The following SMYD3 variants were observed in gnomAD, a reference collection of about 807,000 sequenced individuals.
SMYD3 encodes SET and MYND domain containing 3.
Under a neutral mutation model 57.7 loss-of-function variants are expected in SMYD3, and 36 were observed. That is an observed-to-expected ratio of 0.62 (90% CI 0.48 to 0.82). The LOEUF is 0.82. SMYD3 is among the 40% of genes least tolerant of loss of function. The probability of loss-of-function intolerance (pLI) is 0.00; values close to 1 mark genes in which losing one functional copy is unlikely to be tolerated. For missense variants in SMYD3, 515 were observed against 538.8 expected (o/e 0.96, Z 0.44); for synonymous variants, 211 against 195.0 (o/e 1.08, Z -0.68).
In SMYD3 at chr1:246,327,247, G is replaced by A. The variant is rs1253892559; in HGVS notation, c.485C>T (p.Ala162Val). Residue 162 changes from alanine (A) to valine (V), a missense_variant, in exon 5 of 12, where the codon GCC becomes GTC. Physicochemically the swap from Ala to Val is moderately conservative, Grantham distance 64. Transcript: ENST00000490107. ...QHFMREEIQD[A>V]SQLPPAFDLF... is the part of the protein sequence containing the mutation. ...GTCAAAGGCAGGTGGCAGCTGAGAG[G>A]CATCCTGTATTTCTTCTCTCATGAA... The A allele has an allele frequency of 6.2e-7, 1 of 1,614,084 alleles. No individual in the cohort carries two copies. The highest frequency in any genetic ancestry group is 1.1e-5 in the South Asian group (1 of 91,080).
chr1:246,202,971 A>G lies in SMYD3; in HGVS notation c.531+124230T>C, dbSNP rs2062943063. On this transcript the variant is annotated intron_variant, in intron 5 of 11. Coordinates refer to ENST00000490107, the MANE Select transcript of SMYD3 (RefSeq NM_001167740.2). The surrounding 1 kb of genome is among the most constrained non-coding windows in gnomAD (Gnocchi z 4.1). ...GAAAACCCGTCTCTACTAAAAATAC[A>G]AAATTTAGCTGGTCGTGGTGGTGGG... is the stretch of plus-strand genomic sequence containing the variant. Among the ~76,000 whole-genome samples the G allele has an allele frequency of 6.6e-6, 1 of 152,116 alleles. No homozygotes were observed. Among genetic ancestry groups the G allele is most frequent in the Non-Finnish European group, 1.5e-5 (1 of 68,028 alleles).
At chr1:246,134,811 G>A (rs922022934) in intron 5 of SMYD3, among the ~76,000 whole-genome samples, 35 of 149,352 alleles carry the variant, frequency 2.3e-4, no homozygotes, top group Admixed American at 1.0e-3. Flanking sequence ...CCCCCCTGCC[G>A]CTTTTAATGA....
chr1:246,246,581 T>C (rs1399404364), intron 5 of SMYD3, among the ~76,000 whole-genome samples: 2 of 152,092 alleles, frequency 1.3e-5, no homozygotes, highest in Admixed American at 6.5e-5. Context: ...TCAAGGAAGC[T>C]TGAAGCTTCA....
At chr1:246,506,992 C>A (rs1236003500) in intron 1 of SMYD3, 62 bp downstream of exon 1, 6 of 859,482 alleles carry the variant, frequency 7.0e-6, no homozygotes, top group South Asian at 2.0e-5. Flanking sequence ...GCCCGACGCC[C>A]CCCCCTCCCC....
At chr1:246,186,087 C>T (rs997440211) in intron 5 of SMYD3, among the ~76,000 whole-genome samples, 1 of 151,888 alleles carries the variant, frequency 6.6e-6, no homozygotes, top group Non-Finnish European at 1.5e-5. Context: ...ATAAATAGTT[C>T]CCTTAATTCC....
intron 1 of SMYD3, among the ~76,000 whole-genome samples, chr1:246,504,914 G>C (rs1049589594): frequency 4.6e-5 from 7 of 152,200 alleles, no homozygotes; most frequent in African/African-American, 9.7e-5. Flanking sequence ...GCAGAAAACT[G>C]CATCAAACAA....
intron 10 of SMYD3, among the ~76,000 whole-genome samples, chr1:245,779,176 AAAAAAG>A (rs1553319529): frequency 1.8e-4 from 26 of 143,744 alleles, no homozygotes; most frequent in Admixed American, 9.6e-4. Context: ...AAAAAAAAAA[AAAAAAG>A]AAAAAGAAAA....
chr1:246,313,540 A>G (rs1205567617), intron 5 of SMYD3, among the ~76,000 whole-genome samples: 1 of 152,196 alleles, frequency 6.6e-6, no homozygotes, highest in Non-Finnish European at 1.5e-5. Flanking sequence ...CTGCATAAAC[A>G]GTGTCTTGAT....
intron 8 of SMYD3, among the ~76,000 whole-genome samples, chr1:245,910,001 A>T (rs1458103291): frequency 6.6e-6 from 1 of 152,156 alleles, no homozygotes; most frequent in African/African-American, 2.4e-5. Flanking sequence ...GGGCATTCAA[A>T]TTAGAAAGGA....
chr1:245,755,709 GC>G (rs2148018752), intron 11 of SMYD3, among the ~76,000 whole-genome samples: 1 of 152,102 alleles, frequency 6.6e-6, no homozygotes, highest in South Asian at 2.1e-4. Context: ...AGCTACTCCA[GC>G]TTTCTTTTGA....
intron 10 of SMYD3, among the ~76,000 whole-genome samples, chr1:245,813,741 T>C (rs966906392): frequency 3.9e-5 from 6 of 151,962 alleles, no homozygotes; most frequent in African/African-American, 1.5e-4. Context: ...TCTGAAACCA[T>C]GAAGAAAAGG....
At chr1:245,967,872 C>T (rs1056629463) in intron 5 of SMYD3, among the ~76,000 whole-genome samples, 5 of 152,142 alleles carry the variant, frequency 3.3e-5, no homozygotes, top group African/African-American at 4.8e-5. Flanking sequence ...AGGAGAGTGG[C>T]GTGAACTATT....
intron 10 of SMYD3, among the ~76,000 whole-genome samples, chr1:245,802,608 C>T (rs1280746407): frequency 6.6e-6 from 1 of 152,186 alleles, no homozygotes; most frequent in African/African-American, 2.4e-5. Flanking sequence ...CAGGCTATAG[C>T]CTAGGGCCTG....
At chr1:245,862,306 A>AG (rs2051592752) in intron 9 of SMYD3, among the ~76,000 whole-genome samples, 1 of 97,924 alleles carries the variant, frequency 1.0e-5, no homozygotes, top group Non-Finnish European at 3.1e-5. Context: ...AGATCACAGT[A>AG]CTAAGATTAT....
intron 1 of SMYD3, among the ~76,000 whole-genome samples, chr1:246,444,528 TGACTGA>T (rs1390135074): frequency 6.6e-6 from 1 of 152,222 alleles, no homozygotes; most frequent in East Asian, 1.9e-4. Flanking sequence ...GTCAGAAGCA[TGACTGA>T]CTGCCTTTGT....
chr1:246,251,236 C>A (rs1197376018), intron 5 of SMYD3, among the ~76,000 whole-genome samples: 1 of 152,198 alleles, frequency 6.6e-6, no homozygotes, highest in Non-Finnish European at 1.5e-5. Context: ...AAAGGCTTCA[C>A]AGGGGAACAT....
At chr1:245,762,559 G>C (rs543030093) in intron 11 of SMYD3, among the ~76,000 whole-genome samples, 2 of 152,220 alleles carry the variant, frequency 1.3e-5, no homozygotes, top group East Asian at 1.9e-4. Flanking sequence ...CAGACGGTGC[G>C]GTGTTCTTCC....
At chr1:246,071,593 T>C (rs976147418) in intron 5 of SMYD3, among the ~76,000 whole-genome samples, 4 of 152,130 alleles carry the variant, frequency 2.6e-5, no homozygotes, top group Non-Finnish European at 5.9e-5. Context: ...CCTGAAAATA[T>C]TGGTATACAG....
intron 1 of SMYD3, among the ~76,000 whole-genome samples, chr1:246,361,263 C>T (rs2065982091): frequency 1.3e-5 from 2 of 151,992 alleles, no homozygotes; most frequent in African/African-American, 4.8e-5. Flanking sequence ...CTCACTCCTG[C>T]AAGAATGGCC....
Sources: gnomAD v4.1 joint callset for allele counts (sites outside exome capture counted in the v4.1 genomes callset) on GRCh38, gnomAD v4.1.1 for gene constraint, Gnocchi (gnomAD v3.1) non-coding constraint, MANE v1.5 for transcripts, NCBI Gene and HGNC (gene_info 2026-07-23, HGNC 2026-07-21) for gene names.